The following TCF20 variants were observed in gnomAD, a reference collection of about 807,000 sequenced individuals.
The protein encoded by TCF20 is SPRE-binding protein.
TCF20 carries 3 observed loss-of-function variants against 148.6 expected under a neutral mutation model. The observed-to-expected ratio is 0.02, with a 90% CI of 0.01 to 0.05. The LOEUF is 0.05. Ranked by LOEUF, TCF20 falls within the 10% of genes least tolerant of loss-of-function variation. TCF20 has a pLI of 1.00. For missense variants in TCF20, 2,350 were observed against 2,429.3 expected (o/e 0.97, Z 0.69); for synonymous variants, 1,049 against 909.5 (o/e 1.15, Z -2.76).
In TCF20 at chr22:42,214,457, A is replaced by G; in HGVS notation, c.849T>C (p.Ala283=). Residue 283 remains alanine (A), a synonymous_variant, in exon 2 of 6, where the codon GCT becomes GCC. Transcript: ENST00000677622. The part of the protein sequence containing the change: ...EGHNVGSNAQ[A]YGTQSNYSYQ... ...AGCTGTAATTGGATTGTGTTCCATA[A>G]GCCTGTGCATTAGAACCCACATTGT... 1 of 1,614,170 alleles carries G rather than the reference A, an allele frequency of 6.2e-7. No homozygotes were observed. Among genetic ancestry groups the G allele is most frequent in the Middle Eastern group, 1.6e-4 (1 of 6,062 alleles).
rs1927153006 is a variant in TCF20 at position 42,292,635 on chromosome 22, G to A, written c.-37+50844C>T. On this transcript the variant is annotated intron_variant, in intron 1 of 1. Transcript: ENST00000515426. The surrounding 1 kb of genome is among the most constrained non-coding windows in gnomAD (Gnocchi z 4.9). ...TCCCAGAAGGCATCCCAGAAGAGGGGGTGTTTAAGCAGGAACTTGGAGGAC... is the reference window on the plus strand; with the variant it reads ...TCCCAGAAGGCATCCCAGAAGAGGGAGTGTTTAAGCAGGAACTTGGAGGAC... 6.6e-6 allele frequency among the ~76,000 whole-genome samples: 1 copy of A among 152,006 alleles called. No individual in the cohort carries two copies. The highest frequency in any genetic ancestry group is 2.1e-4 in the South Asian group (1 of 4,820).
intron 1 of TCF20, among the ~76,000 whole-genome samples, chr22:42,280,534 C>T (rs147606050): frequency 1.3e-5 from 2 of 152,224 alleles, no homozygotes; most frequent in Admixed American, 6.5e-5. Context: ...GCCCTGGCCC[C>T]TGCTCTGCCC....
chr22:42,191,734 G>C (rs1184710797), intron 2 of TCF20, among the ~76,000 whole-genome samples: 1 of 152,198 alleles, frequency 6.6e-6, no homozygotes, highest in South Asian at 2.1e-4. Context: ...GTTAAAAGGA[G>C]CTTGTGCCCT....
intron 1 of TCF20, among the ~76,000 whole-genome samples, chr22:42,324,576 T>G (rs36141542): frequency 6.6e-6 from 1 of 151,586 alleles, no homozygotes; most frequent in South Asian, 2.1e-4. Flanking sequence ...ATCTCCACCA[T>G]TGGAGAAAAT....
chr22:42,255,677 G>A (rs1272524076), intron 1 of TCF20, among the ~76,000 whole-genome samples: 2 of 152,096 alleles, frequency 1.3e-5, no homozygotes, highest in Non-Finnish European at 2.9e-5. Context: ...TTCTTATGCA[G>A]ACTAGGGCTT....
chr22:42,174,996 C>T (rs1936361924), intron 3 of TCF20, among the ~76,000 whole-genome samples: 1 of 151,208 alleles, frequency 6.6e-6, no homozygotes, highest in South Asian at 2.1e-4. Flanking sequence ...GATCGCGCCA[C>T]TGCACTCCAG....
At chr22:42,289,930 C>T (rs1374291985) in intron 1 of TCF20, among the ~76,000 whole-genome samples, 6 of 152,236 alleles carry the variant, frequency 3.9e-5, no homozygotes, top group Admixed American at 6.5e-5. Flanking sequence ...TTAATCACAC[C>T]GAATTCTCCA....
intron 1 of TCF20, among the ~76,000 whole-genome samples, chr22:42,281,356 C>T (rs773942385): frequency 5.9e-5 from 9 of 152,152 alleles, no homozygotes; most frequent in Non-Finnish European, 1.3e-4. Flanking sequence ...GCAATGACTG[C>T]GGTGTCCATG....
intron 1 of TCF20, among the ~76,000 whole-genome samples, chr22:42,244,510 A>G (rs2043379987): frequency 1.3e-5 from 2 of 152,178 alleles, no homozygotes; most frequent in African/African-American, 4.8e-5. Context: ...TCAAAACACT[A>G]CGCGCTAAGT....
In TCF20 at chr22:42,211,220, T is replaced by C. The variant is rs1920952647; in HGVS notation, c.4086A>G (p.Pro1362=). ...LEAIVQKITS[P]NIRRSASSNS... Reference sequence around the variant, plus strand: ...TCGAAGATGCGCTCCTCCTAATATTTGGGGATGTAATCTTCTGAACTATAG... The same window carrying C: ...TCGAAGATGCGCTCCTCCTAATATTCGGGGATGTAATCTTCTGAACTATAG... The change falls in exon 2 of 6, where the codon CCA becomes CCG. Residue 1362 remains proline, a synonymous_variant. Transcript: ENST00000677622. The C allele has an allele frequency of 6.2e-7, 1 of 1,614,068 alleles. No homozygotes were observed. Among genetic ancestry groups the C allele is most frequent in the South Asian group, 1.1e-5 (1 of 91,088 alleles).
chr22:42,204,167 T>C (rs1189363176), intron 2 of TCF20, among the ~76,000 whole-genome samples: 2 of 152,174 alleles, frequency 1.3e-5, no homozygotes, highest in Admixed American at 1.3e-4. Context: ...GGGAAGTAAA[T>C]AATTATCCAT....
At chr22:42,217,570 C>A (rs925171965) in intron 1 of TCF20, among the ~76,000 whole-genome samples, 1 of 152,166 alleles carries the variant, frequency 6.6e-6, no homozygotes, top group Non-Finnish European at 1.5e-5. Flanking sequence ...GTCATCACAC[C>A]GGAGTCTGTG....
intron 1 of TCF20, among the ~76,000 whole-genome samples, chr22:42,256,358 CTTT>C (rs1316883407): frequency 6.6e-6 from 1 of 151,772 alleles, no homozygotes; most frequent in Non-Finnish European, 1.5e-5. Flanking sequence ...CAGAAATTTT[CTTT>C]TTTCTTTTAT....
intron 1 of TCF20, among the ~76,000 whole-genome samples, chr22:42,257,664 G>C (rs1056756179): frequency 6.6e-6 from 1 of 152,184 alleles, no homozygotes; most frequent in African/African-American, 2.4e-5. Flanking sequence ...AATGGTGTTT[G>C]AAAATATTCT....
chr22:42,285,628 T>G (rs1218058256), upstream of TCF20, among the ~76,000 whole-genome samples: 1 of 152,138 alleles, frequency 6.6e-6, no homozygotes, highest in Non-Finnish European at 1.5e-5. This position sits in a 1 kb window ranked among gnomAD's most constrained non-coding sequence, Gnocchi z 4.2. Context: ...ATTTTTATTT[T>G]ATTTTATTAT....
chr22:42,226,383 G>A (rs568507081), intron 1 of TCF20, among the ~76,000 whole-genome samples: 1 of 152,324 alleles, frequency 6.6e-6, no homozygotes, highest in Non-Finnish European at 1.5e-5. Context: ...AGGCTAAAAG[G>A]ATGTTCCATT....
intron 1 of TCF20, among the ~76,000 whole-genome samples, chr22:42,301,755 G>A (rs947722382): frequency 6.6e-6 from 1 of 152,220 alleles, no homozygotes; most frequent in Non-Finnish European, 1.5e-5. Context: ...TCTGTCGTGG[G>A]GAACAGGGGA....
intron 1 of TCF20, among the ~76,000 whole-genome samples, chr22:42,339,185 C>T (rs768981053): frequency 3.9e-5 from 6 of 152,326 alleles, no homozygotes; most frequent in African/African-American, 1.2e-4. Flanking sequence ...CCTGGCCTAG[C>T]GCTCGTCCTC....
intron 1 of TCF20, among the ~76,000 whole-genome samples, chr22:42,293,893 A>G (rs1013966987): frequency 2.6e-5 from 4 of 152,186 alleles, no homozygotes; most frequent in African/African-American, 9.7e-5. Flanking sequence ...CCAGCTACTC[A>G]GGAGGCTGAG....
Sources: gnomAD v4.1 joint callset for allele counts (sites outside exome capture counted in the v4.1 genomes callset) on GRCh38, gnomAD v4.1.1 for gene constraint, Gnocchi (gnomAD v3.1) non-coding constraint, MANE v1.5 for transcripts, NCBI Gene and HGNC (gene_info 2026-07-23, HGNC 2026-07-21) for gene names.